HECA: variants seen among roughly 807,000 people sequenced by gnomAD.
HECA encodes headcase protein homolog.
Under a neutral mutation model 37.6 loss-of-function variants are expected in HECA, and 13 were observed. The observed-to-expected ratio is 0.35, with a 90% CI of 0.23 to 0.55. The LOEUF is 0.55. HECA is among the 20% of genes least tolerant of loss of function. The probability of loss-of-function intolerance (pLI) is 0.90; values close to 1 mark genes in which losing one functional copy is unlikely to be tolerated. For synonymous variants in HECA, 307 were observed against 291.5 expected, an observed-to-expected ratio of 1.05 and a Z score of -0.54; for missense variants, 527 against 701.9, an observed-to-expected ratio of 0.75 and a Z score of 2.82.
chr6:139,153,155 G>A (rs563910706), intron 1 of HECA: 5 of 152,196 alleles, frequency 3.3e-5, no homozygotes, highest in Non-Finnish European at 5.9e-5. Flanking sequence ...CTGAATGTGT[G>A]TATGATGTGA....
intron 2 of HECA, among the ~76,000 whole-genome samples, chr6:139,170,768 A>C (rs1258012573): frequency 6.6e-6 from 1 of 152,278 alleles, no homozygotes; most frequent in East Asian, 1.9e-4. Flanking sequence ...GTGAATGGAA[A>C]GATTTTCAGT....
intron 1 of HECA, among the ~76,000 whole-genome samples, chr6:139,153,416 AT>A (rs958179313): frequency 4.6e-5 from 7 of 152,078 alleles, no homozygotes; most frequent in African/African-American, 1.4e-4. Flanking sequence ...CATTTAAAAA[AT>A]AATGTAATTT....
chr6:139,172,719 C>A (rs553031346), intron 2 of HECA, among the ~76,000 whole-genome samples: 2 of 152,082 alleles, frequency 1.3e-5, no homozygotes, highest in African/African-American at 2.4e-5. Flanking sequence ...GTTACGGATC[C>A]GAGAGACATG....
At chr6:139,159,637 G>C (rs945175175) in intron 1 of HECA, among the ~76,000 whole-genome samples, 2 of 152,116 alleles carry the variant, frequency 1.3e-5, no homozygotes, top group African/African-American at 4.8e-5. Context: ...TCTCCCCATG[G>C]GTTCACCCTC....
intron 1 of HECA, among the ~76,000 whole-genome samples, chr6:139,158,928 C>G (rs1774756645): frequency 6.6e-6 from 1 of 151,920 alleles, no homozygotes; most frequent in African/African-American, 2.4e-5. Flanking sequence ...ACAGAATTAG[C>G]CAGGCATGGT....
At chr6:139,174,624 A>G in intron 3 of HECA, 85 bp downstream of exon 3, 1 of 1,538,294 alleles carries the variant, frequency 6.5e-7, no homozygotes, top group South Asian at 1.3e-5. Context: ...GTCTGGCAAT[A>G]AAGAAGAAAT....
chr6:139,164,898 C>T (rs1774861802), intron 1 of HECA, among the ~76,000 whole-genome samples: 1 of 151,928 alleles, frequency 6.6e-6, no homozygotes, highest in Non-Finnish European at 1.5e-5. Flanking sequence ...CCAGTTTGGC[C>T]CCACATTTGG....
In HECA at chr6:139,149,610, T is replaced by G. The variant is rs535658445; in HGVS notation, c.271+13943T>G. Among the ~76,000 whole-genome samples, 9 of 152,314 alleles carry G rather than the reference T, an allele frequency of 5.9e-5. No homozygotes were observed. In the South Asian group the frequency reaches 1.7e-3, roughly 28 times the overall value. On this transcript the variant is annotated intron_variant, in intron 1 of 3. Coordinates refer to ENST00000367658, the MANE Select transcript of HECA (RefSeq NM_016217.3). The stretch of plus-strand genomic sequence containing the variant: ...GCAGTGAATGCCGGTCTTCCAAATC[T>G]GTATTCTGCTGCTTTGGGGGGAGCC...
chr6:139,135,523 G>C lies in HECA; in HGVS notation c.127G>C (p.Ala43Pro), dbSNP rs943758554. 2 of 1,000,782 alleles carry C rather than the reference G, an allele frequency of 2.0e-6. No homozygotes were observed. Among genetic ancestry groups the C allele is most frequent in the Non-Finnish European group, 2.4e-6 (2 of 840,548 alleles). The allele number at this position is 1,000,782 out of a possible 1,614,324, so 62.0% of individuals were successfully genotyped here. Residue 43 changes from alanine (A) to proline (P), a missense_variant, in exon 1 of 4, where the codon GCC becomes CCC. Around this residue, in one of 4 missense-constraint regions of HECA, gnomAD observed 172 missense variants for 197.6 expected, o/e 0.87. Transcript: ENST00000367658. Reference sequence around the variant, plus strand: ...CGCGGCGGGAGCGGCGGCCGGGGGGGCCCTGGCGGCGGCGGCCGGTTGCGG... The same window carrying C: ...CGCGGCGGGAGCGGCGGCCGGGGGGCCCCTGGCGGCGGCGGCCGGTTGCGG... ...AGAAGAAAGG[A>P]LAAAAGCGAA...
At chr6:139,147,285 C>T (rs1205869954) in intron 1 of HECA, among the ~76,000 whole-genome samples, 1 of 151,938 alleles carries the variant, frequency 6.6e-6, no homozygotes, top group Non-Finnish European at 1.5e-5. Context: ...AGTGTAAAAA[C>T]ACCAATATGG....
Position 139,166,723 on chromosome 6 carries a change from C to T in HECA, c.711C>T (p.His237=), listed in dbSNP as rs762026133. The T allele has an allele frequency of 4.8e-5, 77 of 1,610,586 alleles. No homozygotes were observed. In the Middle Eastern group the frequency reaches 6.6e-4, roughly 14 times the overall value. The change falls in exon 2 of 4, where the codon CAC becomes CAT. Residue 237 remains histidine, a synonymous_variant. Coordinates refer to ENST00000367658, the MANE Select transcript of HECA (RefSeq NM_016217.3). ...PPNKPQKGPS[H]DLPRRHSMDR... is the part of the protein sequence containing the mutation. ...ATAAGCCCCAGAAAGGCCCAAGCCACGACCTCCCCCGCCGGCATTCCATGG... is the reference window on the plus strand; with the variant it reads ...ATAAGCCCCAGAAAGGCCCAAGCCATGACCTCCCCCGCCGGCATTCCATGG...
At chr6:139,155,440 A>T (rs1774699878) in intron 1 of HECA, among the ~76,000 whole-genome samples, 1 of 152,198 alleles carries the variant, frequency 6.6e-6, no homozygotes, top group African/African-American at 2.4e-5. Context: ...GGGAAAAATG[A>T]GGTAGGTATA....
intron 1 of HECA, among the ~76,000 whole-genome samples, chr6:139,153,980 T>G (rs1247032585): frequency 6.6e-6 from 1 of 152,206 alleles, no homozygotes; most frequent in Non-Finnish European, 1.5e-5. Flanking sequence ...AATTAACTTT[T>G]TCAGAACTCT....
intron 1 of HECA, among the ~76,000 whole-genome samples, chr6:139,147,597 G>A (rs1260129840): frequency 6.6e-6 from 1 of 152,142 alleles, no homozygotes; most frequent in Non-Finnish European, 1.5e-5. Flanking sequence ...GTGACAGAAC[G>A]AGATGCTGTC....
At chr6:139,137,668 A>T (rs1485995062) in intron 1 of HECA, among the ~76,000 whole-genome samples, 1 of 138,122 alleles carries the variant, frequency 7.2e-6, no homozygotes. Flanking sequence ...GGAAGCTTCA[A>T]GTTCACAGTT....
In HECA at chr6:139,167,275, C is replaced by T. The variant is rs1365940575; in HGVS notation, c.1263C>T (p.Ser421=). The T allele has an allele frequency of 3.1e-5, 50 of 1,612,298 alleles. No individual in the cohort carries two copies. Among genetic ancestry groups the T allele is most frequent in the Non-Finnish European group, 4.2e-5 (50 of 1,178,534 alleles). The change falls in exon 2 of 4, where the codon AGC becomes AGT. Residue 421 remains serine, a synonymous_variant. Transcript: ENST00000367658. The stretch of plus-strand genomic sequence containing the variant: ...TGGTGGATGGAACTTTGTTCCTAAG[C>T]CCGTCGAGACATGATGAGATCGAAT... ...FPLVDGTLFL[S]PSRHDEIEYD...
intron 1 of HECA, among the ~76,000 whole-genome samples, chr6:139,142,288 A>G (rs1774523485): frequency 6.6e-6 from 1 of 152,138 alleles, no homozygotes; most frequent in South Asian, 2.1e-4. Flanking sequence ...ATTAAGTTTC[A>G]GCATGAATCT....
chr6:139,174,321 C>T (rs1775021008), intron 2 of HECA, 64 bp from the exon 3 acceptor site: 2 of 1,513,086 alleles, frequency 1.3e-6, no homozygotes, highest in Non-Finnish European at 1.8e-6. Context: ...ACATTTTTAT[C>T]TCCTTGGAGA....
At chr6:139,138,634 T>C (rs1389341466) in intron 1 of HECA, among the ~76,000 whole-genome samples, 3 of 152,214 alleles carry the variant, frequency 2.0e-5, no homozygotes, top group Admixed American at 6.5e-5. Context: ...TAAATACTTA[T>C]TCTGTAAAGG....
Sources: allele counts gnomAD v4.1 joint callset (sites outside exome capture counted in the v4.1 genomes callset), GRCh38; gene constraint gnomAD v4.1.1; regional missense constraint gnomAD v4.1.1; transcripts MANE v1.5; gene names NCBI Gene and HGNC (gene_info 2026-07-23, HGNC 2026-07-21).